The following SETD4 variants were observed in gnomAD, a reference collection of about 807,000 sequenced individuals.
SETD4 encodes the protein SET domain-containing protein 4.
In SETD4, 46 loss-of-function variants were observed where a neutral mutation model predicts 58.3. The observed-to-expected ratio is 0.79, with a 90% confidence interval of 0.62 to 1.01. SETD4 has a LOEUF of 1.01. SETD4 is among the 50% of genes least tolerant of loss of function. SETD4 has a pLI of 0.00. For missense variants in SETD4, 490 were observed against 523.3 expected (o/e 0.94, Z 0.62); for synonymous variants, 190 against 202.6 (o/e 0.94, Z 0.53).
At chr21:36,051,294 C>T (rs908485657) in intron 4 of SETD4, 6 of 1,589,110 alleles carry the variant, frequency 3.8e-6, no homozygotes, top group African/African-American at 2.7e-5. Context: ...AAGCATGGAG[C>T]GAGAGCTGCT....
At chr21:36,050,024 A>G (rs1168921973) in intron 4 of SETD4, among the ~76,000 whole-genome samples, 1 of 152,212 alleles carries the variant, frequency 6.6e-6, no homozygotes, top group African/African-American at 2.4e-5. Flanking sequence ...ATGTTAGATG[A>G]GCTTCCGGGT....
At chr21:36,041,162 A>C (rs1395565170) in intron 8 of SETD4, among the ~76,000 whole-genome samples, 1 of 34,064 alleles carries the variant, frequency 2.9e-5, no homozygotes, top group East Asian at 4.1e-4. Context: ...TCCTTCTCAA[A>C]AAAAAAAAAA....
intron 3 of SETD4, among the ~76,000 whole-genome samples, chr21:36,055,666 CAGA>C (rs2064951317): frequency 6.6e-6 from 1 of 152,210 alleles, no homozygotes; most frequent in Admixed American, 6.5e-5. Context: ...GAAGCACTTA[CAGA>C]AGGTTCCCCA....
chr21:36,055,229 C>T (rs542419868), intron 3 of SETD4, among the ~76,000 whole-genome samples: 1 of 152,114 alleles, frequency 6.6e-6, no homozygotes, highest in Non-Finnish European at 1.5e-5. Flanking sequence ...CAAAAGCTGG[C>T]CTATGGAATA....
intron 2 of SETD4, among the ~76,000 whole-genome samples, 189 bp downstream of exon 2, chr21:36,058,627 A>T (rs2065114024): frequency 6.6e-6 from 1 of 152,192 alleles, no homozygotes; most frequent in South Asian, 2.1e-4. Context: ...CTGAGGCAGG[A>T]GAATCGCTTG....
chr21:36,051,969 A>G (rs1456999818), intron 4 of SETD4, among the ~76,000 whole-genome samples: 3 of 152,126 alleles, frequency 2.0e-5, no homozygotes, highest in African/African-American at 7.2e-5. Context: ...CAAAGTGAAT[A>G]TAACCCAATA....
Position 36,045,989 on chromosome 21 carries a change from G to A in SETD4, c.319C>T (p.Leu107=). The stretch of plus-strand genomic sequence containing the variant: ...ACTAAAAAGGTGCACAGCGCCAGCA[G>A]AGGAGATGGAGGAGGCTTCCACCTT... The part of the protein sequence containing the change: ...ITKWKPPPSP[L]LALCTFLVSE... The change falls in exon 6 of 12, where the codon CTG becomes TTG. Residue 107 remains leucine, a synonymous_variant. Coordinates refer to ENST00000332131, the MANE Select transcript of SETD4 (RefSeq NM_017438.5). 1 of 1,612,818 alleles carries A rather than the reference G, an allele frequency of 6.2e-7. No individual in the cohort carries two copies. The highest frequency in any genetic ancestry group is 8.5e-7 in the Non-Finnish European group (1 of 1,179,484).
intron 7 of SETD4, chr21:36,042,418 T>G (rs940145034): frequency 2.0e-5 from 3 of 152,256 alleles, no homozygotes; most frequent in Admixed American, 6.5e-5. Flanking sequence ...ATATAATTTT[T>G]GCTCAAATTA....
intron 4 of SETD4, 54 bp from the exon 5 acceptor site, chr21:36,048,450 G>A: frequency 6.7e-7 from 1 of 1,502,598 alleles, no homozygotes. Flanking sequence ...AAGGACCCAT[G>A]AGTATGAGTC....
intron 4 of SETD4, chr21:36,051,100 T>C: frequency 2.1e-6 from 3 of 1,413,346 alleles, no homozygotes; most frequent in Non-Finnish European, 3.0e-6. Context: ...AATCTAGATG[T>C]AGCTGGTATC....
rs566994777 is a variant in SETD4, at chr21:36,048,214, G to T, written c.296+94C>A. 93 of 1,012,114 alleles carry T rather than the reference G, an allele frequency of 9.2e-5. 1 individual carries two copies. In the African/African-American group the frequency reaches 1.2e-3, roughly 13 times the overall value. 62.7% of individuals were successfully genotyped at this position (1,012,114 alleles called of 1,614,324 possible). ...ATTTATCAGCTCTACAAGGGACTGG[G>T]TTCTAATGAATTGTGTCTCAAGTGA... is the stretch of plus-strand genomic sequence containing the variant. On this transcript the variant is annotated intron_variant, in intron 5 of 11. Transcript: ENST00000332131.
At chr21:36,047,094 A>G (rs551135077) in intron 5 of SETD4, among the ~76,000 whole-genome samples, 19 of 152,252 alleles carry the variant, frequency 1.2e-4, no homozygotes, top group African/African-American at 4.6e-4. Context: ...CATCTCTACT[A>G]AAAATACAAA....
chr21:36,035,739 C>A lies in SETD4; in HGVS notation c.*254G>T, dbSNP rs967656943. ...AGGCCCCGTGGTGACAGACCACACA[C>A]GGACGCAGCTGGCTCCTGGCTGCCT... On this transcript the variant is annotated 3_prime_UTR_variant, in exon 12 of 12. Transcript: ENST00000332131. 61 of 273,470 alleles carry A rather than the reference C, an allele frequency of 2.2e-4. No homozygotes were observed. Among genetic ancestry groups the A allele is most frequent in the African/African-American group, 1.4e-3 (59 of 43,392 alleles). 16.9% of individuals were successfully genotyped at this position (273,470 alleles called of 1,614,324 possible).
intron 7 of SETD4, chr21:36,042,944 G>GA (rs1409388819): frequency 5.3e-5 from 8 of 152,026 alleles, no homozygotes; most frequent in Non-Finnish European, 4.4e-5. Context: ...TCTATCATAT[G>GA]AAAAAACAAA....
At position 36,054,134 on chromosome 21, in the gene SETD4, G is replaced by A. The variant is rs78881275; in HGVS notation, c.170-514C>T. On this transcript the variant is annotated intron_variant, in intron 3 of 11. Coordinates refer to ENST00000332131, the MANE Select transcript of SETD4 (RefSeq NM_017438.5). ...TCCCCTCTCTGATCAGGTAACCCATGAGATGGGCTCTCCATGACCTGGTGA... is the reference window on the plus strand; with the variant it reads ...TCCCCTCTCTGATCAGGTAACCCATAAGATGGGCTCTCCATGACCTGGTGA... Among the ~76,000 whole-genome samples, 331 of 152,340 alleles carry A rather than the reference G, an allele frequency of 2.2e-3. 1 individual carries two copies. Among genetic ancestry groups the A allele is most frequent in the African/African-American group, 7.6e-3 (315 of 41,582 alleles).
At position 36,038,220 on chromosome 21, in the gene SETD4, T is replaced by G. The variant is rs942323806; in HGVS notation, c.1118A>C (p.Lys373Thr). 9 of 1,614,058 alleles carry G rather than the reference T, an allele frequency of 5.6e-6. No individual in the cohort carries two copies. The highest frequency in any genetic ancestry group is 7.6e-6 in the Non-Finnish European group (9 of 1,180,030). Residue 373 changes from lysine to threonine, a missense_variant, in exon 10 of 12, where the codon AAG becomes ACG. Physicochemically the swap from Lys to Thr is moderately conservative, Grantham distance 78 (BLOSUM62 -1). Coordinates refer to ENST00000332131, the MANE Select transcript of SETD4 (RefSeq NM_017438.5). ...LGEVISDTNE[K>T]TSLDIAQKIC... ...TTTCTGGGCTATGTCCAAACTTGTC[T>G]TCTCATTCGTATCTGAAATTACCTC...
intron 10 of SETD4, 133 bp downstream of exon 10, chr21:36,038,017 T>C (rs2063864736): frequency 9.2e-7 from 1 of 1,082,052 alleles, no homozygotes; most frequent in Non-Finnish European, 1.3e-6. Flanking sequence ...AAAATAGAGA[T>C]TACATCAACA....
chr21:36,055,505 A>G (rs914207830), intron 3 of SETD4, among the ~76,000 whole-genome samples: 2 of 152,184 alleles, frequency 1.3e-5, no homozygotes, highest in Non-Finnish European at 2.9e-5. Context: ...CAAGGCAGAA[A>G]AGAAGAGAGA....
chr21:36,044,518 C>T (rs982202334), intron 6 of SETD4, among the ~76,000 whole-genome samples: 1 of 152,176 alleles, frequency 6.6e-6, no homozygotes, highest in Non-Finnish European at 1.5e-5. Flanking sequence ...TCACTGCTGA[C>T]GGAGTCCCCA....
Sources: allele counts gnomAD v4.1 joint callset (sites outside exome capture counted in the v4.1 genomes callset), GRCh38; gene constraint gnomAD v4.1.1; transcripts MANE v1.5; gene names NCBI Gene and HGNC (gene_info 2026-07-23, HGNC 2026-07-21).